The following GNAQ variants were observed in gnomAD, a reference collection of about 807,000 sequenced individuals.
The protein encoded by GNAQ is G protein subunit alpha q.
A neutral mutation model predicts 43.9 loss-of-function variants in GNAQ; 8 were observed. That is an observed-to-expected ratio of 0.18 (90% CI 0.11 to 0.33). GNAQ has a LOEUF of 0.33. Among genes scored for constraint, GNAQ ranks in the 10% least tolerant of loss-of-function variants. The pLI is 1.00. For missense variants in GNAQ, 158 were observed against 450.8 expected, an observed-to-expected ratio of 0.35 and a Z score of 5.88; for synonymous variants, 155 against 170.7, an observed-to-expected ratio of 0.91 and a Z score of 0.71.
chr9:77,886,472 A>G (rs934846809), intron 2 of GNAQ, among the ~76,000 whole-genome samples: 1 of 151,368 alleles, frequency 6.6e-6, no homozygotes, highest in Non-Finnish European at 1.5e-5. Flanking sequence ...ATGAATTGCT[A>G]CAGTTCAGAA....
intron 1 of GNAQ, among the ~76,000 whole-genome samples, chr9:77,922,969 C>T (rs1312193566): frequency 6.6e-6 from 1 of 152,060 alleles, no homozygotes; most frequent in Admixed American, 6.6e-5. Flanking sequence ...CCACCTCAGC[C>T]TCCCCATAGC....
chr9:77,911,607 A>G (rs193104443), intron 2 of GNAQ, among the ~76,000 whole-genome samples: 114 of 152,310 alleles, frequency 7.5e-4, no homozygotes, highest in African/African-American at 2.7e-3. Context: ...ATAAAACACA[A>G]AAAAAGAAAA....
At chr9:77,885,463 G>A (rs532244596) in intron 2 of GNAQ, among the ~76,000 whole-genome samples, 75 of 152,248 alleles carry the variant, frequency 4.9e-4, no homozygotes, top group Admixed American at 1.9e-3. Context: ...ATACCAACAG[G>A]GTCGGCCCTG....
chr9:77,726,372 A>G (rs1825396578), intron 6 of GNAQ, among the ~76,000 whole-genome samples: 1 of 152,244 alleles, frequency 6.6e-6, no homozygotes, highest in Admixed American at 6.5e-5. Context: ...ACAAATGTTT[A>G]TATTTTCAAT....
intron 2 of GNAQ, among the ~76,000 whole-genome samples, chr9:77,828,309 G>A (rs534403948): frequency 6.6e-6 from 1 of 152,094 alleles, no homozygotes; most frequent in Admixed American, 6.6e-5. Flanking sequence ...TCAAACAAAT[G>A]TATTCAAAAT....
At chr9:77,865,070 C>A (rs546760026) in intron 2 of GNAQ, among the ~76,000 whole-genome samples, 1 of 152,316 alleles carries the variant, frequency 6.6e-6, no homozygotes, top group African/African-American at 2.4e-5. Flanking sequence ...CCCTAAGCTG[C>A]AAACGGAGTC....
At chr9:77,849,344 A>G (rs1827636093) in intron 2 of GNAQ, among the ~76,000 whole-genome samples, 1 of 152,190 alleles carries the variant, frequency 6.6e-6, no homozygotes, top group African/African-American at 2.4e-5. Flanking sequence ...CAGAGATTTT[A>G]TAGACCTGAT....
At position 77,875,239 on chromosome 9, in the gene GNAQ, T is replaced by C. The variant is rs17789190; in HGVS notation, c.321+46922A>G. Among the ~76,000 whole-genome samples, 1,574 of 152,302 alleles carry C rather than the reference T, an allele frequency of 0.01. 103 individuals carry two copies. In the East Asian group the frequency reaches 0.2, roughly 19 times the overall value. ...AATAGAATGAAATTAAACAACACAA[T>C]TTTTTAAGAAATTAAATCCTTTACA... On this transcript the variant is annotated intron_variant, in intron 2 of 6. Coordinates refer to ENST00000286548, the MANE Select transcript of GNAQ (RefSeq NM_002072.5).
chr9:77,928,219 C>G (rs900876933), intron 1 of GNAQ, among the ~76,000 whole-genome samples: 1 of 152,150 alleles, frequency 6.6e-6, no homozygotes, highest in Non-Finnish European at 1.5e-5. Flanking sequence ...AGATTAAAAT[C>G]CTGCATTTGA....
chr9:77,910,955 A>C lies in GNAQ; in HGVS notation c.321+11206T>G, dbSNP rs2118212917. On this transcript the variant is annotated intron_variant, in intron 2 of 6. Transcript: ENST00000286548. ...TTGTGTGTATACCACACAGTACACA[A>C]AACCCATCACGGTCAACAAGTGTTC... Among the ~76,000 whole-genome samples the C allele has an allele frequency of 1.3e-5, 2 of 152,348 alleles. 1 individual carries two copies. The highest frequency in any genetic ancestry group is 4.1e-4 in the South Asian group (2 of 4,828).
chr9:77,983,210 C>A lies in GNAQ; in HGVS notation c.136+47890G>T, dbSNP rs564798277. 2.7e-4 allele frequency among the ~76,000 whole-genome samples: 41 copies of A among 152,322 alleles called. 1 individual carries two copies. The East Asian group carries it at 7.7e-3, about 29-fold the overall frequency. On this transcript the variant is annotated intron_variant, in intron 1 of 6. Transcript: ENST00000286548. Reference sequence around the variant, plus strand: ...CTAGTTCTATGCAACAGTATGAACTCGTGCATGGTGATAACATTTACATAG... The same window carrying A: ...CTAGTTCTATGCAACAGTATGAACTAGTGCATGGTGATAACATTTACATAG...
At chr9:77,876,457 T>C (rs529627291) in intron 2 of GNAQ, among the ~76,000 whole-genome samples, 7 of 152,320 alleles carry the variant, frequency 4.6e-5, no homozygotes, top group Admixed American at 4.6e-4. Flanking sequence ...GCAAATGAAA[T>C]AGAGTAATGT....
intron 2 of GNAQ, among the ~76,000 whole-genome samples, chr9:77,877,257 C>T (rs1314114356): frequency 1.3e-5 from 2 of 152,168 alleles, no homozygotes; most frequent in African/African-American, 4.8e-5. Context: ...TGTTTATAAT[C>T]CCTATTCCAT....
At chr9:77,774,131 G>A (rs1826270722) in intron 5 of GNAQ, among the ~76,000 whole-genome samples, 1 of 152,048 alleles carries the variant, frequency 6.6e-6, no homozygotes, top group East Asian at 1.9e-4. Context: ...ACATTGTAGA[G>A]CATATAGTTA....
chr9:77,831,651 T>A (rs934310375), intron 2 of GNAQ, among the ~76,000 whole-genome samples: 3 of 152,220 alleles, frequency 2.0e-5, no homozygotes, highest in Non-Finnish European at 4.4e-5. Flanking sequence ...TTTGGTTTTG[T>A]TGCTAGAATC....
chr9:77,985,844 T>G (rs1823428587), intron 1 of GNAQ, among the ~76,000 whole-genome samples: 1 of 152,194 alleles, frequency 6.6e-6, no homozygotes, highest in African/African-American at 2.4e-5. Context: ...CGCTTCAGCC[T>G]CCCAAAGTGC....
intron 1 of GNAQ, among the ~76,000 whole-genome samples, chr9:77,983,222 T>TG (rs1334432174): frequency 6.6e-6 from 1 of 152,222 alleles, no homozygotes; most frequent in African/African-American, 2.4e-5. Flanking sequence ...TGCATGGTGA[T>TG]AACATTTACA....
chr9:77,726,860 C>CT (rs1259360465), intron 6 of GNAQ, among the ~76,000 whole-genome samples: 1 of 152,158 alleles, frequency 6.6e-6, no homozygotes, highest in Admixed American at 6.5e-5. Flanking sequence ...TCTTAACTAT[C>CT]TAGACCACGG....
intron 2 of GNAQ, among the ~76,000 whole-genome samples, chr9:77,861,768 T>C (rs1033789700): frequency 2.6e-5 from 4 of 152,100 alleles, no homozygotes; most frequent in Non-Finnish European, 5.9e-5. Flanking sequence ...TTTGGGAGGC[T>C]GAGGCAGGGG....
Sources: gnomAD v4.1 joint callset for allele counts (sites outside exome capture counted in the v4.1 genomes callset) on GRCh38, gnomAD v4.1.1 for gene constraint, MANE v1.5 for transcripts, NCBI Gene and HGNC (gene_info 2026-07-23, HGNC 2026-07-21) for gene names.